Variants in GDF3 observed in about 807,000 individuals in gnomAD.
GDF3 encodes growth differentiation factor 3.
A neutral mutation model predicts 10.2 loss-of-function variants in GDF3; 10 were observed. That is an observed-to-expected ratio of 0.98 (90% CI 0.60 to 1.66). GDF3 has a LOEUF of 1.66. GDF3 is among the 40% of genes most tolerant of loss of function. The probability of loss-of-function intolerance (pLI) is 0.00; values close to 1 mark genes in which losing one functional copy is unlikely to be tolerated. For synonymous variants in GDF3, 166 were observed against 178.5 expected, an observed-to-expected ratio of 0.93 and a Z score of 0.56; for missense variants, 450 against 438.3, an observed-to-expected ratio of 1.03 and a Z score of -0.24.
chr12:7,695,550 G>C lies in GDF3; in HGVS notation c.179C>G (p.Ala60Gly). ...ILKKIFQDRE[A>G]AATTGVSRDL... ...TCGGGAGACCCCAGTGGTCGCTGCT[G>C]CCTCGCGATCCTGGAAAATTTTCTT... The change falls in exon 1 of 2, where the codon GCA becomes GGA. Residue 60 changes from alanine to glycine, a missense_variant. Transcript: ENST00000329913. 1 of 1,614,076 alleles carries C rather than the reference G, an allele frequency of 6.2e-7. No homozygotes were observed. The highest frequency in any genetic ancestry group is 1.1e-5 in the South Asian group (1 of 91,082).
At chr12:7,694,915 T>C (rs1864166116) in intron 1 of GDF3, among the ~76,000 whole-genome samples, 1 of 152,130 alleles carries the variant, frequency 6.6e-6, no homozygotes, top group African/African-American at 2.4e-5. Context: ...CTCACTGAGA[T>C]CCTTTTAAAA....
At chr12:7,691,903 A>T (rs1396500262) in intron 1 of GDF3, among the ~76,000 whole-genome samples, 1 of 152,016 alleles carries the variant, frequency 6.6e-6, no homozygotes, top group South Asian at 2.1e-4. Context: ...GCTACTCAGG[A>T]GGTTGAGGCA....
At chr12:7,692,504 C>T (rs1864142889) in intron 1 of GDF3, among the ~76,000 whole-genome samples, 1 of 147,612 alleles carries the variant, frequency 6.8e-6, no homozygotes, top group Non-Finnish European at 1.5e-5. Context: ...TTCAGATTGG[C>T]TTTAATTTTT....
Position 7,691,773 on chromosome 12 carries a change from C to A in GDF3, c.269-1069G>T, listed in dbSNP as rs774724165. On this transcript the variant is annotated intron_variant, in intron 1 of 1. Coordinates refer to ENST00000329913, the MANE Select transcript of GDF3 (RefSeq NM_020634.3). ...CTGTAATCCCAGCACTTTGGGAGGC[C>A]GAGGCGGGCGGATCACGAGATGAGG... Among the ~76,000 whole-genome samples, 3 of 144,652 alleles carry A rather than the reference C, an allele frequency of 2.1e-5. No homozygotes were observed. The South Asian group carries it at 6.7e-4, about 32-fold the overall frequency. The allele number at this position is 144,652 out of a possible 152,430, so 94.9% of individuals were successfully genotyped here.
At chr12:7,692,922 C>T (rs1020686265) in intron 1 of GDF3, among the ~76,000 whole-genome samples, 1 of 152,012 alleles carries the variant, frequency 6.6e-6, no homozygotes, top group Non-Finnish European at 1.5e-5. Context: ...CAGTCACGAG[C>T]CACTGTGCCC....
At chr12:7,695,382 T>C in intron 1 of GDF3, 79 bp downstream of exon 1, 1 of 1,296,814 alleles carries the variant, frequency 7.7e-7, no homozygotes, top group Non-Finnish European at 1.1e-6. Context: ...CATCAGTAAT[T>C]GTCATTTCCT....
rs761112048 is a variant in GDF3, at chr12:7,693,492, G to A, written c.268+1969C>T. On this transcript the variant is annotated intron_variant, in intron 1 of 1. Transcript: ENST00000329913. ...CCTGGCCTCGTGATCTGCCTGCCTC[G>A]GCCTCCCAAAGTGCTGGGATTACAG... Among the ~76,000 whole-genome samples the A allele has an allele frequency of 9.4e-5, 14 of 148,792 alleles. No homozygotes were observed. In the East Asian group the frequency reaches 2.7e-3, roughly 28 times the overall value.
At chr12:7,692,927 G>C (rs1271532598) in intron 1 of GDF3, among the ~76,000 whole-genome samples, 1 of 151,708 alleles carries the variant, frequency 6.6e-6, no homozygotes, top group Non-Finnish European at 1.5e-5. Flanking sequence ...ACGAGCCACT[G>C]TGCCCAGCCT....
At chr12:7,693,637 A>C (rs1864154435) in intron 1 of GDF3, among the ~76,000 whole-genome samples, 1 of 151,764 alleles carries the variant, frequency 6.6e-6, no homozygotes, top group Non-Finnish European at 1.5e-5. Flanking sequence ...CTTCATTCTC[A>C]AGCATCATTC....
At chr12:7,693,410 G>A (rs1259449778) in intron 1 of GDF3, among the ~76,000 whole-genome samples, 2 of 141,562 alleles carry the variant, frequency 1.4e-5, no homozygotes, top group East Asian at 4.2e-4. Context: ...TAGTAGAGAC[G>A]GGGGTCAGGG....
intron 1 of GDF3, among the ~76,000 whole-genome samples, chr12:7,691,055 C>G (rs879380130): frequency 5.3e-5 from 8 of 151,388 alleles, no homozygotes; most frequent in Non-Finnish European, 1.0e-4. Flanking sequence ...GAGGCTGAGG[C>G]AGGAGAATGG....
At chr12:7,693,407 G>C (rs1864151969) in intron 1 of GDF3, among the ~76,000 whole-genome samples, 1 of 132,462 alleles carries the variant, frequency 7.5e-6, no homozygotes, top group African/African-American at 2.8e-5. Flanking sequence ...TTTTAGTAGA[G>C]ACGGGGGTCA....
chr12:7,689,788 C>T lies in GDF3; in HGVS notation c.*90G>A, dbSNP rs1864105856. On this transcript the variant is annotated 3_prime_UTR_variant, in exon 2 of 2. Transcript: ENST00000329913. ...CAAATTATAAACACAGGTATATTGA[C>T]ATTTCGATCTAAGTGGTCATAAACC... is the stretch of plus-strand genomic sequence containing the variant. 1 of 888,170 alleles carries T rather than the reference C, an allele frequency of 1.1e-6. No individual in the cohort carries two copies. Among genetic ancestry groups the T allele is most frequent in the Non-Finnish European group, 1.9e-6 (1 of 529,586 alleles). The allele number at this position is 888,170 out of a possible 1,614,324, so 55.0% of individuals were successfully genotyped here. A position where few individuals can be genotyped will look rare whatever the true frequency, so the allele number is the denominator to read the frequency against.
chr12:7,692,836 T>C (rs1864147090), intron 1 of GDF3, among the ~76,000 whole-genome samples: 1 of 151,240 alleles, frequency 6.6e-6, no homozygotes, highest in African/African-American at 2.4e-5. Context: ...AGAGATAGGG[T>C]CTCTCTATGT....
intron 1 of GDF3, among the ~76,000 whole-genome samples, chr12:7,692,204 C>T (rs1380369073): frequency 2.0e-5 from 3 of 151,810 alleles, no homozygotes; most frequent in African/African-American, 7.3e-5. Flanking sequence ...GAGGCCAAGG[C>T]GGGCAGATAA....
chr12:7,691,294 A>G (rs1864127675), intron 1 of GDF3, among the ~76,000 whole-genome samples: 1 of 152,226 alleles, frequency 6.6e-6, no homozygotes, highest in African/African-American at 2.4e-5. Flanking sequence ...AATGAAATTT[A>G]GCATTTCCTT....
chr12:7,690,712 GGAAAAGA>G lies in GDF3; in HGVS notation c.269-15_269-9del. ...TTGGGTAAAGAAAGAAACCTAGATG[GGAAAAGA>G]GACATGTCAGAGTCATAATGATGTA... On this transcript the variant is annotated splice_polypyrimidine_tract_variant and intron_variant, in intron 1 of 1. Coordinates refer to ENST00000329913, the MANE Select transcript of GDF3 (RefSeq NM_020634.3). The G allele has an allele frequency of 6.7e-7, 1 of 1,489,030 alleles. No individual in the cohort carries two copies. The allele number at this position is 1,489,030 out of a possible 1,614,324, so 92.2% of individuals were successfully genotyped here. A position where few individuals can be genotyped will look rare whatever the true frequency, so the allele number is the denominator to read the frequency against.
At chr12:7,690,967 T>C (rs1056887550) in intron 1 of GDF3, among the ~76,000 whole-genome samples, 9 of 151,856 alleles carry the variant, frequency 5.9e-5, no homozygotes, top group East Asian at 2.0e-4. Flanking sequence ...CTGGCTAACA[T>C]GGTGAAACCC....
chr12:7,690,691 G>A lies in GDF3; in HGVS notation c.282C>T (p.Tyr94=). 3.1e-6 allele frequency: 5 copies of A among 1,601,260 alleles called. No individual in the cohort carries two copies. The highest frequency in any genetic ancestry group is 1.3e-5 in the African/African-American group (1 of 74,764). The change falls in exon 2 of 2, where the codon TAC becomes TAT. Residue 94 remains tyrosine (Y), a synonymous_variant. Coordinates refer to ENST00000329913, the MANE Select transcript of GDF3 (RefSeq NM_020634.3). ...RFLPDQGFFL[Y]PKKISQASSC... is the part of the protein sequence containing the mutation. ...AGGAAGCTTGGGAAATTTTCTTTGG[G>A]TAAAGAAAGAAACCTAGATGGGAAA...
Sources: allele counts gnomAD v4.1 joint callset (sites outside exome capture counted in the v4.1 genomes callset), GRCh38; gene constraint gnomAD v4.1.1; transcripts MANE v1.5; gene names NCBI Gene and HGNC (gene_info 2026-07-23, HGNC 2026-07-21).